The following DPP6 variants were observed in gnomAD, a reference collection of about 807,000 sequenced individuals.
The protein encoded by DPP6 is dipeptidyl peptidase like 6.
Under a neutral mutation model 122.6 loss-of-function variants are expected in DPP6, and 69 were observed. That is an observed-to-expected ratio of 0.56 (90% confidence interval 0.46 to 0.69). The LOEUF (loss-of-function observed/expected upper bound fraction) is 0.69, where lower values mean the gene tolerates loss of function less well. DPP6 is among the 30% of genes least tolerant of loss of function. DPP6 has a pLI of 0.00. For missense variants in DPP6, 928 were observed against 1,116.9 expected (o/e 0.83, Z 2.41); for synonymous variants, 418 against 433.1 (o/e 0.97, Z 0.43).
upstream of DPP6, among the ~76,000 whole-genome samples, chr7:153,886,232 G>C (rs1383699899): frequency 2.0e-5 from 3 of 152,148 alleles, no homozygotes; most frequent in African/African-American, 7.2e-5. Context: ...ACCAACCTCT[G>C]CGCGCGCTCC....
intron 1 of DPP6, among the ~76,000 whole-genome samples, chr7:154,153,588 T>C (rs1473094312): frequency 6.6e-6 from 1 of 152,188 alleles, no homozygotes; most frequent in Non-Finnish European, 1.5e-5. Flanking sequence ...CCAATACACC[T>C]GCAGGTCCAC....
intron 1 of DPP6, among the ~76,000 whole-genome samples, chr7:154,243,019 T>C (rs1801743082): frequency 6.6e-6 from 1 of 152,164 alleles, no homozygotes; most frequent in Admixed American, 6.5e-5. Flanking sequence ...CAGTAAAAGC[T>C]ATACCCTCAA....
chr7:154,872,486 C>A, intron 18 of DPP6, 138 bp from the exon 19 acceptor site: 1 of 1,367,142 alleles, frequency 7.3e-7, no homozygotes, highest in Non-Finnish European at 9.7e-7. Flanking sequence ...GATGAAAACC[C>A]TGGGCCAGTC....
intron 1 of DPP6, among the ~76,000 whole-genome samples, chr7:154,115,729 G>T (rs1417986743): frequency 6.6e-6 from 1 of 152,130 alleles, no homozygotes; most frequent in Non-Finnish European, 1.5e-5. Flanking sequence ...CTTCACATTT[G>T]GTTGGTTGAC....
intron 1 of DPP6, among the ~76,000 whole-genome samples, chr7:154,421,894 T>A (rs985495565): frequency 6.6e-6 from 1 of 152,222 alleles, no homozygotes; most frequent in Non-Finnish European, 1.5e-5. Flanking sequence ...GAGACATTTA[T>A]TTAATGATTG....
intron 10 of DPP6, among the ~76,000 whole-genome samples, chr7:154,779,552 GTCACCAGAGCTA>G (rs1165257876): frequency 3.9e-5 from 6 of 152,186 alleles, no homozygotes; most frequent in African/African-American, 1.2e-4. Context: ...CGAGTCTTCC[GTCACCAGAGCTA>G]TTGCTCAGCA....
chr7:154,579,681 G>C (rs1488137130), intron 5 of DPP6, among the ~76,000 whole-genome samples: 1 of 152,160 alleles, frequency 6.6e-6, no homozygotes, highest in African/African-American at 2.4e-5. Context: ...CCCATGGGGG[G>C]GCCCAAAGTG....
chr7:153,798,813 G>A, the DPP6 span, among the ~76,000 whole-genome samples: 2 of 152,174 alleles, frequency 1.3e-5, no homozygotes, highest in African/African-American at 4.8e-5. Flanking sequence ...TCCCACTGGG[G>A]GGTGATGGAA....
chr7:154,200,986 C>T (rs1034700454), intron 1 of DPP6, among the ~76,000 whole-genome samples: 1 of 152,074 alleles, frequency 6.6e-6, no homozygotes, highest in African/African-American at 2.4e-5. Flanking sequence ...AAATGACATC[C>T]CTTTGAGATT....
chr7:154,515,444 G>A (rs1826410646), intron 3 of DPP6, among the ~76,000 whole-genome samples: 1 of 152,084 alleles, frequency 6.6e-6, no homozygotes. Flanking sequence ...GGCATTTACT[G>A]TTTCTGAGTT....
chr7:154,333,904 G>A (rs547280652), intron 1 of DPP6, among the ~76,000 whole-genome samples: 1 of 152,210 alleles, frequency 6.6e-6, no homozygotes, highest in Non-Finnish European at 1.5e-5. Flanking sequence ...GAAAAAATGA[G>A]GAAGTAACCC....
intron 1 of DPP6, among the ~76,000 whole-genome samples, chr7:154,192,090 G>A (rs1798642943): frequency 1.3e-5 from 2 of 152,202 alleles, no homozygotes; most frequent in South Asian, 2.1e-4. Context: ...TTAGCTGCAC[G>A]AGTGATGAAA....
chr7:154,361,735 T>C (rs1811742867), intron 1 of DPP6, among the ~76,000 whole-genome samples: 1 of 152,112 alleles, frequency 6.6e-6, no homozygotes, highest in South Asian at 2.1e-4. Flanking sequence ...GTATTGCCCA[T>C]CATTGGTAAG....
At chr7:153,866,427 G>GT in the DPP6 span, among the ~76,000 whole-genome samples, 1 of 152,244 alleles carries the variant, frequency 6.6e-6, no homozygotes, top group African/African-American at 2.4e-5. Context: ...TTTTTCATGT[G>GT]TTTTTTGTCT....
the DPP6 span, among the ~76,000 whole-genome samples, chr7:153,870,046 G>A: frequency 5.3e-5 from 8 of 152,134 alleles, no homozygotes; most frequent in Non-Finnish European, 8.8e-5. Flanking sequence ...GCTTCCCTTT[G>A]TGGGTAACCC....
chr7:154,655,404 G>T (rs1381024327), intron 6 of DPP6, among the ~76,000 whole-genome samples: 1 of 151,990 alleles, frequency 6.6e-6, no homozygotes, highest in Non-Finnish European at 1.5e-5. Flanking sequence ...GTTAAGTCCA[G>T]ATCACTTTAT....
chr7:153,777,961 C>T, the DPP6 span, among the ~76,000 whole-genome samples: 2 of 147,260 alleles, frequency 1.4e-5, no homozygotes, highest in Non-Finnish European at 2.9e-5. Flanking sequence ...GAAACTAACT[C>T]TATTATAGAT....
At chr7:154,131,356 T>C (rs1795273800) in intron 1 of DPP6, among the ~76,000 whole-genome samples, 1 of 152,250 alleles carries the variant, frequency 6.6e-6, no homozygotes, top group South Asian at 2.1e-4. Flanking sequence ...TGGACCCGTG[T>C]TGGGAAAACT....
chr7:154,729,311 A>G (rs777162027), intron 8 of DPP6, among the ~76,000 whole-genome samples: 2 of 152,162 alleles, frequency 1.3e-5, no homozygotes, highest in African/African-American at 2.4e-5. Flanking sequence ...TCAAGCCAGT[A>G]TCACTTTCTC....
Sources: gnomAD v4.1 joint callset for allele counts (sites outside exome capture counted in the v4.1 genomes callset) on GRCh38, gnomAD v4.1.1 for gene constraint, MANE v1.5 for transcripts, NCBI Gene and HGNC (gene_info 2026-07-23, HGNC 2026-07-21) for gene names.